Variants in KCNK10 observed in about 807,000 individuals in gnomAD.
KCNK10 encodes potassium two pore domain channel subfamily K member 10, also known as potassium channel subfamily K member 10.
KCNK10 carries 25 observed loss-of-function variants against 47.7 expected under a neutral mutation model. That is an observed-to-expected ratio of 0.52 (90% CI 0.38 to 0.73). The LOEUF (loss-of-function observed/expected upper bound fraction) is 0.73. KCNK10 is among the 30% of genes least tolerant of loss of function. The pLI, the probability that KCNK10 is intolerant of heterozygous loss-of-function variation, is 0.00. For synonymous variants in KCNK10, 303 were observed against 285.6 expected (o/e 1.06, Z -0.61); for missense variants, 563 against 714.5 (o/e 0.79, Z 2.42).
Position 88,288,416 on chromosome 14 carries a change from T to C in KCNK10, c.53-24865A>G, listed in dbSNP as rs79773718. Among the ~76,000 whole-genome samples the C allele has an allele frequency of 6.6e-4, 101 of 152,302 alleles. No homozygotes were observed. The East Asian group carries it at 0.016, about 24-fold the overall frequency. ...TGGACAGAAAATCCAGAGTAGTCTA[T>C]GGCTCCACCCTGCCCTGACACCCAC... On this transcript the variant is annotated intron_variant, in intron 1 of 6. Coordinates refer to ENST00000319231, the MANE Select transcript of KCNK10 (RefSeq NM_138317.3).
chr14:88,309,925 G>A (rs1030048047), intron 1 of KCNK10, among the ~76,000 whole-genome samples: 5 of 151,842 alleles, frequency 3.3e-5, no homozygotes, highest in African/African-American at 1.2e-4. Flanking sequence ...GCCCTCCAGA[G>A]CTCTCAGTCT....
intron 5 of KCNK10, among the ~76,000 whole-genome samples, chr14:88,191,277 A>C (rs1276431059): frequency 1.0e-5 from 1 of 96,858 alleles, no homozygotes; most frequent in Non-Finnish European, 2.4e-5. Context: ...AAACAAAAAC[A>C]AAAAAAAACA....
chr14:88,326,438 T>C, upstream of KCNK10: 1 of 1,613,674 alleles, frequency 6.2e-7, no homozygotes, highest in Non-Finnish European at 8.5e-7. Context: ...GAAAGAAGTC[T>C]GTGTAGAGAA....
rs1037822700 is a variant in KCNK10 at position 88,260,841 on chromosome 14, C to T, written c.402+2361G>A. Among the ~76,000 whole-genome samples the T allele has an allele frequency of 1.1e-4, 16 of 152,260 alleles. No homozygotes were observed. Among genetic ancestry groups the T allele is most frequent in the African/African-American group, 3.4e-4 (14 of 41,550 alleles). On this transcript the variant is annotated intron_variant, in intron 2 of 6. Coordinates refer to ENST00000319231, the MANE Select transcript of KCNK10 (RefSeq NM_138317.3). This position sits in a 1 kb window ranked among gnomAD's most constrained non-coding sequence, Gnocchi z 4.5. ...GTATGTGCAAACACATTCACACAAACGCACACATACACACACATATCTCAT... is the reference window on the plus strand; with the variant it reads ...GTATGTGCAAACACATTCACACAAATGCACACATACACACACATATCTCAT...
At chr14:88,281,835 T>C (rs1035819965) in intron 1 of KCNK10, among the ~76,000 whole-genome samples, 45 of 146,776 alleles carry the variant, frequency 3.1e-4, no homozygotes, top group Admixed American at 4.7e-4. Flanking sequence ...TACATTTGTG[T>C]GTGTGTGTGT....
At chr14:88,200,350 C>A (rs951084013) in intron 4 of KCNK10, among the ~76,000 whole-genome samples, 1 of 151,938 alleles carries the variant, frequency 6.6e-6, no homozygotes, top group African/African-American at 2.4e-5. Context: ...AATTTAAGAG[C>A]ATAATTGAGA....
intron 4 of KCNK10, among the ~76,000 whole-genome samples, chr14:88,213,714 A>C (rs1159109144): frequency 6.6e-6 from 1 of 152,076 alleles, no homozygotes; most frequent in Non-Finnish European, 1.5e-5. Flanking sequence ...TTCCTCTATC[A>C]GAGATGTTTT....
chr14:88,218,015 G>A (rs1406472572), intron 4 of KCNK10, among the ~76,000 whole-genome samples: 1 of 151,704 alleles, frequency 6.6e-6, no homozygotes, highest in Non-Finnish European at 1.5e-5. Flanking sequence ...GAGCCACCAC[G>A]CCCGGCTCGA....
intron 1 of KCNK10, among the ~76,000 whole-genome samples, chr14:88,271,923 T>C (rs1230480847): frequency 7.0e-6 from 1 of 142,604 alleles, no homozygotes; most frequent in Non-Finnish European, 1.5e-5. Flanking sequence ...ACCAAAGGTA[T>C]GGCAAAAAAA....
chr14:88,270,099 T>C (rs389196), intron 1 of KCNK10, among the ~76,000 whole-genome samples: 51 of 151,474 alleles, frequency 3.4e-4, no homozygotes, highest in South Asian at 2.3e-3. Flanking sequence ...ACCTCCCCCC[T>C]CCCCGCAGCC....
At chr14:88,276,419 G>A (rs1887529182) in intron 1 of KCNK10, among the ~76,000 whole-genome samples, 1 of 152,110 alleles carries the variant, frequency 6.6e-6, no homozygotes, top group African/African-American at 2.4e-5. Flanking sequence ...TTTCTGTTGT[G>A]CAAAAGCTAC....
intron 1 of KCNK10, among the ~76,000 whole-genome samples, chr14:88,311,236 A>G (rs904494693): frequency 6.6e-6 from 1 of 152,236 alleles, no homozygotes; most frequent in Non-Finnish European, 1.5e-5. Context: ...ACATTCGCTG[A>G]ACCCATCATT....
intron 4 of KCNK10, among the ~76,000 whole-genome samples, chr14:88,217,756 T>G (rs1022249835): frequency 1.3e-5 from 2 of 151,384 alleles, no homozygotes; most frequent in Non-Finnish European, 2.9e-5. Context: ...AGAGTTTCAC[T>G]CTGTCACCCA....
chr14:88,218,732 C>T (rs17124276), intron 4 of KCNK10, among the ~76,000 whole-genome samples: 33,702 of 151,904 alleles, frequency 0.22, 4,665 homozygotes, highest in East Asian at 0.64. Flanking sequence ...TTTCCTACAG[C>T]ATCCTATCAA....
At chr14:88,222,745 T>C (rs1885857848) in intron 4 of KCNK10, among the ~76,000 whole-genome samples, 1 of 152,198 alleles carries the variant, frequency 6.6e-6, no homozygotes. Context: ...GTTCCTTTTG[T>C]ATTTCCTGAT....
At chr14:88,244,128 G>T (rs931779111) in intron 2 of KCNK10, among the ~76,000 whole-genome samples, 1 of 152,076 alleles carries the variant, frequency 6.6e-6, no homozygotes, top group African/African-American at 2.4e-5. Flanking sequence ...TGAGAATGAG[G>T]TTTGATTTTC....
rs1199525858 is a variant in KCNK10 at position 88,206,147 on chromosome 14, G to A, written c.682-13737C>T. On this transcript the variant is annotated intron_variant, in intron 4 of 6. Coordinates refer to ENST00000319231, the MANE Select transcript of KCNK10 (RefSeq NM_138317.3). The stretch of plus-strand genomic sequence containing the variant: ...GAACATGGCCATTTTCACGAGAATA[G>A]AAATTAAATATGTAAATTCTTGAAA... Among the ~76,000 whole-genome samples, 11 of 152,248 alleles carry A rather than the reference G, an allele frequency of 7.2e-5. No individual in the cohort carries two copies. The East Asian group carries it at 2.1e-3, about 29-fold the overall frequency.
At chr14:88,310,193 C>CATATGGTATATCATATACCATATG (rs1566721463) in intron 1 of KCNK10, among the ~76,000 whole-genome samples, 76 of 26,870 alleles carry the variant, frequency 2.8e-3, no homozygotes, top group Non-Finnish European at 5.1e-3. Flanking sequence ...TATACCATAT[C>CATATGGTATATCATATACCATATG]ATATGGTATA....
chr14:88,261,882 G>A (rs1887122749), intron 2 of KCNK10, among the ~76,000 whole-genome samples: 1 of 152,040 alleles, frequency 6.6e-6, no homozygotes. Flanking sequence ...GAATTATAGG[G>A]CATAGCTATG....
Sources: allele counts gnomAD v4.1 joint callset (sites outside exome capture counted in the v4.1 genomes callset), GRCh38; gene constraint gnomAD v4.1.1; non-coding constraint Gnocchi (gnomAD v3.1); transcripts MANE v1.5; gene names NCBI Gene and HGNC (gene_info 2026-07-23, HGNC 2026-07-21).